TENM4: variants seen among roughly 807,000 people sequenced by gnomAD.
TENM4 encodes the protein teneurin transmembrane protein 4, also known as teneurin-4.
In TENM4, 82 loss-of-function variants were observed where a neutral mutation model predicts 243.3. The observed-to-expected ratio is 0.34, with a 90% CI of 0.28 to 0.40. TENM4 has a LOEUF of 0.40. Ranked by LOEUF, TENM4 falls within the 10% of genes least tolerant of loss-of-function variation. The pLI is 1.00. For missense variants in TENM4, 3,138 were observed against 3,673.3 expected (o/e 0.85, Z 3.77); for synonymous variants, 1,412 against 1,456.3 (o/e 0.97, Z 0.69).
At chr11:79,357,630 C>T (rs566927802) in intron 1 of TENM4, among the ~76,000 whole-genome samples, 4 of 152,276 alleles carry the variant, frequency 2.6e-5, no homozygotes, top group African/African-American at 7.2e-5. Flanking sequence ...TGTTTAAAGG[C>T]CAAATTTTAA....
chr11:78,759,372 T>C (rs754017650), intron 18 of TENM4, among the ~76,000 whole-genome samples: 2 of 152,230 alleles, frequency 1.3e-5, no homozygotes, highest in Admixed American at 6.5e-5. Flanking sequence ...GTTGCATCCA[T>C]AACTCTGCAG....
intron 16 of TENM4, among the ~76,000 whole-genome samples, chr11:78,780,665 G>A (rs1856822203): frequency 6.6e-6 from 1 of 152,128 alleles, no homozygotes; most frequent in Non-Finnish European, 1.5e-5. Context: ...CCATTCTACA[G>A]GATAATCTCC....
In TENM4 at chr11:79,235,399, G is replaced by A. The variant is rs565877460; in HGVS notation, c.-264-19490C>T. Among the ~76,000 whole-genome samples the A allele has an allele frequency of 6.6e-5, 10 of 152,258 alleles. No individual in the cohort carries two copies. The East Asian group carries it at 1.9e-3, about 29-fold the overall frequency. On this transcript the variant is annotated intron_variant, in intron 2 of 33. Transcript: ENST00000278550. ...CCCCCCTGTAGAGTACAAAGTGAGA[G>A]ATGCAGGGTTGAGACCTGGGACGGA...
chr11:79,282,206 G>A (rs148691142), intron 2 of TENM4, among the ~76,000 whole-genome samples: 1 of 152,262 alleles, frequency 6.6e-6, no homozygotes, highest in Non-Finnish European at 1.5e-5. Flanking sequence ...ACATTTCTGT[G>A]GCCCCCTTTA....
chr11:79,308,951 C>A (rs1489518075), intron 1 of TENM4, among the ~76,000 whole-genome samples: 1 of 151,894 alleles, frequency 6.6e-6, no homozygotes, highest in Non-Finnish European at 1.5e-5. Flanking sequence ...CAGTAACAGG[C>A]AAGTAATTAT....
chr11:79,308,936 T>C (rs1346061737), intron 1 of TENM4, among the ~76,000 whole-genome samples: 11 of 152,114 alleles, frequency 7.2e-5, no homozygotes, highest in Non-Finnish European at 7.3e-5. Context: ...TGTACTTGGG[T>C]ATATCAGTAA....
intron 1 of TENM4, among the ~76,000 whole-genome samples, chr11:79,377,628 C>A: frequency 6.6e-6 from 1 of 152,310 alleles, no homozygotes; most frequent in Non-Finnish European, 1.5e-5. Flanking sequence ...TACTTCTGTT[C>A]TCCCTTTTTT....
chr11:79,368,287 C>T (rs1358658375), intron 1 of TENM4, among the ~76,000 whole-genome samples: 1 of 152,200 alleles, frequency 6.6e-6, no homozygotes, highest in Non-Finnish European at 1.5e-5. Context: ...GCAAGTGAAA[C>T]CACGTAGCTT....
chr11:78,785,408 G>C (rs1383477896), intron 16 of TENM4, among the ~76,000 whole-genome samples: 1 of 152,182 alleles, frequency 6.6e-6, no homozygotes, highest in Non-Finnish European at 1.5e-5. Flanking sequence ...ACAGTCTCCA[G>C]GAGGGACAGG....
At chr11:78,766,325 A>G (rs1414690141) in intron 18 of TENM4, among the ~76,000 whole-genome samples, 3 of 152,346 alleles carry the variant, frequency 2.0e-5, no homozygotes, top group African/African-American at 7.2e-5. Flanking sequence ...GTGACTTAGC[A>G]TCTTTGGGGC....
intron 1 of TENM4, among the ~76,000 whole-genome samples, chr11:79,342,668 C>A (rs1857261079): frequency 6.6e-6 from 1 of 152,152 alleles, no homozygotes; most frequent in African/African-American, 2.4e-5. Flanking sequence ...AACCACTTAA[C>A]TCAAAGTCAT....
At position 79,044,252 on chromosome 11, in the gene TENM4, A is replaced by G. The variant is rs905358202; in HGVS notation, c.493+20486T>C. Among the ~76,000 whole-genome samples the G allele has an allele frequency of 4.6e-5, 7 of 152,374 alleles. No homozygotes were observed. The East Asian group carries it at 9.6e-4, about 21-fold the overall frequency. On this transcript the variant is annotated intron_variant, in intron 6 of 33. Transcript: ENST00000278550. Reference sequence around the variant, plus strand: ...TTTTGGATGAATTCTACATATTTTCAAAAACAAACACAAACATAAAGAATG... The same window carrying G: ...TTTTGGATGAATTCTACATATTTTCGAAAACAAACACAAACATAAAGAATG...
intron 3 of TENM4, among the ~76,000 whole-genome samples, chr11:79,214,410 T>C (rs182706078): frequency 5.3e-5 from 8 of 152,334 alleles, no homozygotes; most frequent in African/African-American, 1.9e-4. Flanking sequence ...TACCTTTGTT[T>C]TTATTCCTTG....
At chr11:78,773,676 C>T (rs924794230) in intron 17 of TENM4, among the ~76,000 whole-genome samples, 1 of 152,160 alleles carries the variant, frequency 6.6e-6, no homozygotes, top group Non-Finnish European at 1.5e-5. Context: ...AGCAGCCATA[C>T]ACACTTTTAA....
chr11:78,984,146 C>G (rs1857866348), intron 6 of TENM4, among the ~76,000 whole-genome samples: 1 of 152,182 alleles, frequency 6.6e-6, no homozygotes. Context: ...AACCCCATCT[C>G]TGCGTCTTAC....
chr11:79,304,302 A>T (rs1264865866), intron 1 of TENM4, among the ~76,000 whole-genome samples: 1 of 152,180 alleles, frequency 6.6e-6, no homozygotes, highest in Non-Finnish European at 1.5e-5. Context: ...CTTGAGCTGG[A>T]CGTATGGCTC....
At chr11:78,755,543 G>GC (rs1434624778) in intron 19 of TENM4, among the ~76,000 whole-genome samples, 1 of 152,062 alleles carries the variant, frequency 6.6e-6, no homozygotes, top group African/African-American at 2.4e-5. Flanking sequence ...AGAACTCTAA[G>GC]CCCTAACTCT....
chr11:79,312,439 C>T (rs894183729), intron 1 of TENM4, among the ~76,000 whole-genome samples: 1 of 152,210 alleles, frequency 6.6e-6, no homozygotes, highest in Non-Finnish European at 1.5e-5. Flanking sequence ...TAATACCATA[C>T]ATATATTAGC....
chr11:79,240,796 A>C (rs1026929897), intron 2 of TENM4, among the ~76,000 whole-genome samples: 6 of 151,766 alleles, frequency 4.0e-5, no homozygotes, highest in African/African-American at 1.5e-4. Flanking sequence ...TTTGCATATA[A>C]TTTTTTTTCT....
Sources: gnomAD v4.1 joint callset for allele counts (sites outside exome capture counted in the v4.1 genomes callset) on GRCh38, gnomAD v4.1.1 for gene constraint, MANE v1.5 for transcripts, NCBI Gene and HGNC (gene_info 2026-07-23, HGNC 2026-07-21) for gene names.